GPR107: variants seen among roughly 807,000 people sequenced by gnomAD.
The protein encoded by GPR107 is G protein-coupled receptor 107, also known as protein GPR107.
GPR107 carries 31 observed loss-of-function variants against 75.5 expected under a neutral mutation model. The ratio of observed to expected loss-of-function variants is 0.41; its 90% CI spans 0.31 to 0.55. The LOEUF is 0.55. GPR107 is among the 20% of genes least tolerant of loss of function. The pLI, the probability that GPR107 is intolerant of heterozygous loss-of-function variation, is 0.26. For synonymous variants in GPR107, 267 were observed against 251.3 expected, an observed-to-expected ratio of 1.06 and a Z score of -0.59; for missense variants, 572 against 665.7, an observed-to-expected ratio of 0.86 and a Z score of 1.55.
intron 5 of GPR107, among the ~76,000 whole-genome samples, chr9:130,081,044 G>T (rs1830484695): frequency 1.3e-5 from 2 of 151,168 alleles, no homozygotes; most frequent in African/African-American, 4.9e-5. Context: ...CCCTGTCTCT[G>T]CAAAAATAAA....
intron 1 of GPR107, among the ~76,000 whole-genome samples, chr9:130,055,593 A>C (rs1164948440): frequency 6.6e-6 from 1 of 152,120 alleles, no homozygotes; most frequent in East Asian, 1.9e-4. Context: ...TTGTTTTAGC[A>C]AACTATGAAG....
Position 130,135,407 on chromosome 9 carries a change from G to T in GPR107, c.*286G>T, listed in dbSNP as rs73541569. 0.019 allele frequency: 6,636 copies of T among 341,488 alleles called. 301 individuals are homozygous for T. The highest frequency in any genetic ancestry group is 0.1 in the South Asian group (2,224 of 21,572). 21.2% of individuals were successfully genotyped at this position (341,488 alleles called of 1,614,324 possible). A position where few individuals can be genotyped will look rare whatever the true frequency, so the allele number is the denominator to read the frequency against. On this transcript the variant is annotated 3_prime_UTR_variant, in exon 18 of 18. Coordinates refer to ENST00000347136, the MANE Select transcript of GPR107 (RefSeq NM_020960.5). ...AAGGAAGAATTCATTTTTAATTTAG[G>T]TTTCTTTTTTTCTTCTTCATTTCGG...
Position 130,135,046 on chromosome 9 carries a change from G to A in GPR107, c.1584G>A (p.Met528Ile). ...MESVVTTSGV[M>I]ESMKKVKKVT... ...TCAGTGTGACAACATCTGGGGTGAT[G>A]GAAAGTATGAAGAAAGTCAAGAAGG... Residue 528 changes from methionine to isoleucine, a missense_variant, in exon 18 of 18, where the codon ATG (methionine) becomes ATA (isoleucine). Transcript: ENST00000347136. 6.2e-7 allele frequency: 1 copy of A among 1,605,896 alleles called. No homozygotes were observed. The highest frequency in any genetic ancestry group is 1.3e-5 in the African/African-American group (1 of 74,906).
At chr9:130,100,744 T>C in intron 11 of GPR107, 42 bp downstream of exon 11, 3 of 1,447,286 alleles carry the variant, frequency 2.1e-6, no homozygotes, top group Non-Finnish European at 2.9e-6. Context: ...TGAAATGACA[T>C]ACAAGACAAG....
At chr9:130,074,015 C>T (rs930389186) in intron 1 of GPR107, among the ~76,000 whole-genome samples, 8 of 152,178 alleles carry the variant, frequency 5.3e-5, no homozygotes, top group Non-Finnish European at 1.2e-4. Context: ...CCTCGGCCTC[C>T]CAAAGTGCTG....
intron 1 of GPR107, among the ~76,000 whole-genome samples, chr9:130,056,270 T>C (rs184455585): frequency 1.3e-5 from 2 of 151,862 alleles, no homozygotes; most frequent in Admixed American, 1.3e-4. Flanking sequence ...TGGCCAACAT[T>C]GTGAAATCAC....
chr9:130,123,764 G>A (rs1335331246), intron 14 of GPR107, among the ~76,000 whole-genome samples: 1 of 151,692 alleles, frequency 6.6e-6, no homozygotes, highest in African/African-American at 2.4e-5. Flanking sequence ...CAAAGTGTTG[G>A]ATTACAAACA....
At chr9:130,080,471 G>GTTTATTTTA (rs1830465819) in intron 5 of GPR107, among the ~76,000 whole-genome samples, 1 of 146,604 alleles carries the variant, frequency 6.8e-6, no homozygotes, top group Non-Finnish European at 1.5e-5. Context: ...AGGTATTCCT[G>GTTTATTTTA]TTTATTTATT....
rs577383912 is a variant in GPR107, at chr9:130,095,207, ATGT to A, written c.863+2830_863+2832del. Among the ~76,000 whole-genome samples the A allele has an allele frequency of 8.1e-3, 1,227 of 151,840 alleles. 24 individuals are homozygous for A. Among genetic ancestry groups the A allele is most frequent in the African/African-American group, 0.028 (1,173 of 41,358 alleles). ...CTGTAAGAGTCTTGGATTCTTAGAC[ATGT>A]TGTGTGATTCTCCCTAAGATAATGT... On this transcript the variant is annotated intron_variant, in intron 9 of 17. Transcript: ENST00000347136.
At chr9:130,072,016 A>G (rs955090887) in intron 1 of GPR107, among the ~76,000 whole-genome samples, 1 of 151,632 alleles carries the variant, frequency 6.6e-6, no homozygotes, top group Non-Finnish European at 1.5e-5. Flanking sequence ...TCTGTTTCCC[A>G]GACTGGAGTG....
chr9:130,070,431 G>A (rs1173040227), intron 1 of GPR107, among the ~76,000 whole-genome samples: 3 of 151,950 alleles, frequency 2.0e-5, no homozygotes, highest in East Asian at 1.9e-4. Flanking sequence ...AGCCTCCCAC[G>A]TAGCTGGGAT....
At chr9:130,115,285 C>T (rs1033406899) in intron 14 of GPR107, among the ~76,000 whole-genome samples, 8 of 152,070 alleles carry the variant, frequency 5.3e-5, no homozygotes, top group African/African-American at 1.9e-4. Flanking sequence ...TCTTATTACC[C>T]TTCTACAGTG....
chr9:130,125,675 A>G (rs2132650533), intron 15 of GPR107, among the ~76,000 whole-genome samples: 2 of 135,364 alleles, frequency 1.5e-5, no homozygotes, highest in African/African-American at 5.6e-5. Flanking sequence ...GATCCCGGCC[A>G]CTATTTTTAC....
intron 1 of GPR107, among the ~76,000 whole-genome samples, chr9:130,056,418 C>G (rs557968804): frequency 2.3e-4 from 35 of 151,936 alleles, no homozygotes; most frequent in African/African-American, 8.4e-4. Context: ...CCCCTGTACT[C>G]CAGCCTGGGC....
chr9:130,084,023 G>A (rs1028428318), intron 6 of GPR107, among the ~76,000 whole-genome samples: 29 of 134,710 alleles, frequency 2.2e-4, no homozygotes, highest in Admixed American at 1.9e-3. Context: ...CTGCAGATGT[G>A]GAACCTGCAA....
chr9:130,131,811 G>T (rs180796828), intron 17 of GPR107, among the ~76,000 whole-genome samples: 1 of 151,970 alleles, frequency 6.6e-6, no homozygotes, highest in African/African-American at 2.4e-5. Flanking sequence ...GCCCCACCCC[G>T]CCTCTTGCTC....
intron 1 of GPR107, among the ~76,000 whole-genome samples, chr9:130,056,942 A>G (rs1829805830): frequency 6.9e-6 from 1 of 145,642 alleles, no homozygotes; most frequent in African/African-American, 2.5e-5. Context: ...AAAAAAAAAA[A>G]AAAAAAAAAG....
At chr9:130,122,806 G>T (rs1157541882) in intron 14 of GPR107, among the ~76,000 whole-genome samples, 1 of 152,084 alleles carries the variant, frequency 6.6e-6, no homozygotes, top group African/African-American at 2.4e-5. Context: ...GCTCTTGCCT[G>T]CCTGAGCAAC....
In GPR107 at chr9:130,114,731, G is replaced by A. The variant is rs376266917; in HGVS notation, c.1306+7192G>A. On this transcript the variant is annotated intron_variant, in intron 14 of 17. Transcript: ENST00000347136. ...ATTTGTAGATATAATCATACTAACC[G>A]AAAAACTTGGGGTCTTTAGGAATTT... 5.3e-5 allele frequency: 54 copies of A among 1,010,770 alleles called. No homozygotes were observed. The East Asian group carries it at 3.6e-3, about 68-fold the overall frequency. 62.6% of individuals were successfully genotyped at this position (1,010,770 alleles called of 1,614,324 possible).
Sources: allele counts gnomAD v4.1 joint callset (sites outside exome capture counted in the v4.1 genomes callset), GRCh38; gene constraint gnomAD v4.1.1; transcripts MANE v1.5; gene names NCBI Gene and HGNC (gene_info 2026-07-23, HGNC 2026-07-21).